The following MTURN variants were observed in gnomAD, a reference collection of about 807,000 sequenced individuals.
MTURN encodes the protein maturin.
A neutral mutation model predicts 14.9 loss-of-function variants in MTURN; 7 were observed. The ratio of observed to expected loss-of-function variants is 0.47; its 90% CI spans 0.27 to 0.88. The LOEUF is 0.88. Among genes scored for constraint, MTURN ranks in the 40% least tolerant of loss-of-function variants. MTURN has a pLI of 0.14. For missense variants in MTURN, 151 were observed against 174.1 expected (o/e 0.87, Z 0.75); for synonymous variants, 69 against 72.5 (o/e 0.95, Z 0.25).
At chr7:30,156,773 C>A (rs1441845185) in intron 2 of MTURN, among the ~76,000 whole-genome samples, 2 of 151,554 alleles carry the variant, frequency 1.3e-5, no homozygotes, top group Admixed American at 1.3e-4. Flanking sequence ...TGCAGTTAGC[C>A]GAGATTGCGC....
At chr7:30,152,407 C>T (rs1797225294) in intron 2 of MTURN, among the ~76,000 whole-genome samples, 1 of 152,134 alleles carries the variant, frequency 6.6e-6, no homozygotes, top group South Asian at 2.1e-4. Flanking sequence ...GTCCTACCAC[C>T]CCTGGCTCTT....
In MTURN at chr7:30,162,233, G is replaced by A. The variant is rs1442295487; in HGVS notation, c.*4685G>A. 1 of 152,116 alleles carries A rather than the reference G, an allele frequency of 6.6e-6. No homozygotes were observed. The highest frequency in any genetic ancestry group is 2.4e-5 in the African/African-American group (1 of 41,422). 9.4% of individuals were successfully genotyped at this position (152,116 alleles called of 1,614,324 possible). On this transcript the variant is annotated 3_prime_UTR_variant, in exon 3 of 3. Transcript: ENST00000324453. ...GCTGACAGTCTGTTCTTTGTAAACT[G>A]CCTTTCCCTGTTTTTCTGTTTTGTT...
chr7:30,150,118 A>C (rs1054087520), intron 2 of MTURN, among the ~76,000 whole-genome samples: 1 of 152,222 alleles, frequency 6.6e-6, no homozygotes, highest in African/African-American at 2.4e-5. Flanking sequence ...TAAAATTAGA[A>C]AATTAATGAT....
Position 30,157,611 on chromosome 7 carries a change from C to A in MTURN, c.*63C>A. On this transcript the variant is annotated 3_prime_UTR_variant, in exon 3 of 3. Coordinates refer to ENST00000324453, the MANE Select transcript of MTURN (RefSeq NM_152793.3). ...AGTAACCTAGGTGGGGTCACTGCCCCTCCTGGGTTAGCATTTTGCATTAGC... is the reference window on the plus strand; with the variant it reads ...AGTAACCTAGGTGGGGTCACTGCCCATCCTGGGTTAGCATTTTGCATTAGC... 7.8e-7 allele frequency: 1 copy of A among 1,279,466 alleles called. No individual in the cohort carries two copies. The highest frequency in any genetic ancestry group is 1.1e-6 in the Non-Finnish European group (1 of 933,136). The allele number at this position is 1,279,466 out of a possible 1,614,324, so 79.3% of individuals were successfully genotyped here.
intron 1 of MTURN, chr7:30,145,890 G>C: frequency 1.3e-6 from 2 of 1,551,700 alleles, no homozygotes; most frequent in Non-Finnish European, 1.7e-6. Context: ...GAAATCATTG[G>C]TGAGGAATGG....
At chr7:30,135,371 T>C in intron 1 of MTURN, 73 bp downstream of exon 1, 4 of 1,354,796 alleles carry the variant, frequency 3.0e-6, no homozygotes, top group African/African-American at 1.6e-5. Flanking sequence ...GCGCCCGAGC[T>C]CCCGCGCGGT....
chr7:30,158,975 A>G lies in MTURN; in HGVS notation c.*1427A>G, dbSNP rs1438412274. On this transcript the variant is annotated 3_prime_UTR_variant, in exon 3 of 3. Coordinates refer to ENST00000324453, the MANE Select transcript of MTURN (RefSeq NM_152793.3). ...GCCACAGAACTTATGGGAGTCTTGT[A>G]TATCTTCCAGGCATGTCGGTGTAAA... 1.3e-5 allele frequency: 2 copies of G among 152,156 alleles called. No homozygotes were observed. Among genetic ancestry groups the G allele is most frequent in the South Asian group, 2.1e-4 (1 of 4,838 alleles). The allele number at this position is 152,156 out of a possible 1,614,324, so 9.4% of individuals were successfully genotyped here.
chr7:30,146,283 T>G lies in MTURN; in HGVS notation c.269T>G (p.Phe90Cys), dbSNP rs1288294569. Residue 90 changes from phenylalanine (F) to cysteine (C), a missense_variant, in exon 2 of 3, where the codon TTC becomes TGC. Phe to Cys is a radical substitution (Grantham distance 205). Transcript: ENST00000324453. ...CTCCACGAAGTCCTGGAAAAAGTCT[T>G]CAAGTCTTTCAGACCTGTAGGTGCC... is the stretch of plus-strand genomic sequence containing the variant. Reference protein sequence around the residue: ...KTLHEVLEKVFKSFRPLLGLP... With the variant: ...KTLHEVLEKVCKSFRPLLGLP... 6.2e-7 allele frequency: 1 copy of G among 1,613,918 alleles called. No homozygotes were observed. The highest frequency in any genetic ancestry group is 8.5e-7 in the Non-Finnish European group (1 of 1,180,058).
Position 30,159,248 on chromosome 7 carries a change from G to A in MTURN, c.*1700G>A, listed in dbSNP as rs1797333248. 6.6e-6 allele frequency: 1 copy of A among 152,108 alleles called. No individual in the cohort carries two copies. Among genetic ancestry groups the A allele is most frequent in the Non-Finnish European group, 1.5e-5 (1 of 68,024 alleles). 9.4% of individuals were successfully genotyped at this position (152,108 alleles called of 1,614,324 possible). On this transcript the variant is annotated 3_prime_UTR_variant, in exon 3 of 3. Coordinates refer to ENST00000324453, the MANE Select transcript of MTURN (RefSeq NM_152793.3). ...CACAACTTAGTGTTTCATCCATTGG[G>A]GTGAGCATATACTGCCCTTTGCAGC...
At chr7:30,137,251 G>A (rs1796978427) in intron 1 of MTURN, 1 of 176,192 alleles carries the variant, frequency 5.7e-6, no homozygotes, top group Non-Finnish European at 1.2e-5. Context: ...CTGACCGTGT[G>A]AAACAGGGCA....
chr7:30,157,332 T>C, intron 2 of MTURN, 106 bp from the exon 3 acceptor site: 2 of 799,398 alleles, frequency 2.5e-6, no homozygotes, highest in South Asian at 3.4e-5. Flanking sequence ...AGTCTGCAGC[T>C]GCTGGGTTAA....
intron 1 of MTURN, among the ~76,000 whole-genome samples, chr7:30,141,618 G>A (rs1797054232): frequency 6.6e-6 from 1 of 151,846 alleles, no homozygotes; most frequent in African/African-American, 2.4e-5. Flanking sequence ...CAAATTCCTG[G>A]GCTGAAGCAG....
At position 30,135,280 on chromosome 7, in the gene MTURN, C is replaced by T; in HGVS notation, c.144C>T (p.Asn48=). Residue 48 remains asparagine, a synonymous_variant, in exon 1 of 3, where the codon AAC becomes AAT. Transcript: ENST00000324453. ...GVSFYVLCPD[N]GCGDNFHVWS... Reference sequence around the variant, plus strand: ...CCTTCTATGTGCTGTGTCCGGACAACGGCTGCGGCGACAATTTTGTGAGTG... The same window carrying T: ...CCTTCTATGTGCTGTGTCCGGACAATGGCTGCGGCGACAATTTTGTGAGTG... 1 of 1,522,822 alleles carries T rather than the reference C, an allele frequency of 6.6e-7. No individual in the cohort carries two copies. The highest frequency in any genetic ancestry group is 8.8e-7 in the Non-Finnish European group (1 of 1,134,348). The allele number at this position is 1,522,822 out of a possible 1,614,324, so 94.3% of individuals were successfully genotyped here.
chr7:30,153,867 G>A lies in MTURN; in HGVS notation c.286-3571G>A, dbSNP rs576807303. 5.3e-5 allele frequency among the ~76,000 whole-genome samples: 8 copies of A among 152,178 alleles called. No homozygotes were observed. In the East Asian group the frequency reaches 9.7e-4, roughly 18 times the overall value. Reference sequence around the variant, plus strand: ...CAAGTAGCTGGGACTATAGGCACACGCCACCATGCCCAGCTAATTTTCATA... The same window carrying A: ...CAAGTAGCTGGGACTATAGGCACACACCACCATGCCCAGCTAATTTTCATA... On this transcript the variant is annotated intron_variant, in intron 2 of 2. Transcript: ENST00000324453.
intron 1 of MTURN, 111 bp from the exon 2 acceptor site, chr7:30,146,066 C>A: frequency 6.3e-7 from 1 of 1,597,380 alleles, no homozygotes; most frequent in South Asian, 1.1e-5. Flanking sequence ...GAATGGAGGC[C>A]TTCTTCAAAT....
chr7:30,145,078 C>G (rs1188999157), intron 1 of MTURN, among the ~76,000 whole-genome samples: 1 of 152,040 alleles, frequency 6.6e-6, no homozygotes, highest in Non-Finnish European at 1.5e-5. Context: ...GCAGGGTATT[C>G]TGCATTAAGA....
Position 30,136,194 on chromosome 7 carries a change from G to C in MTURN, c.162+896G>C, listed in dbSNP as rs555834241. ...GGGGAATCCCCTCAGCCCCGGCTCA[G>C]AGGGACCGGGAACTGGGACTGCGGT... On this transcript the variant is annotated intron_variant, in intron 1 of 2. Transcript: ENST00000324453. Among the ~76,000 whole-genome samples the C allele has an allele frequency of 3.6e-4, 55 of 152,354 alleles. No homozygotes were observed. In the South Asian group the frequency reaches 0.011, roughly 29 times the overall value.
At chr7:30,141,984 C>T (rs549846694) in intron 1 of MTURN, among the ~76,000 whole-genome samples, 6 of 152,292 alleles carry the variant, frequency 3.9e-5, no homozygotes, top group Non-Finnish European at 8.8e-5. Context: ...CTGCCACCCC[C>T]ACCCTGCTTA....
intron 1 of MTURN, among the ~76,000 whole-genome samples, chr7:30,138,699 G>C (rs1345966570): frequency 5.9e-5 from 9 of 151,906 alleles, no homozygotes; most frequent in African/African-American, 1.5e-4. Context: ...TAAAATATAA[G>C]CCAGATCATG....
Sources: allele counts gnomAD v4.1 joint callset (sites outside exome capture counted in the v4.1 genomes callset), GRCh38; gene constraint gnomAD v4.1.1; transcripts MANE v1.5; gene names NCBI Gene and HGNC (gene_info 2026-07-23, HGNC 2026-07-21).